Variants in TRABD2B observed in about 807,000 individuals in gnomAD.
TRABD2B encodes TraB domain containing 2B.
A neutral mutation model predicts 40.1 loss-of-function variants in TRABD2B; 14 were observed. That is an observed-to-expected ratio of 0.35 (90% CI 0.23 to 0.55). The LOEUF is 0.55. Ranked by LOEUF, TRABD2B falls within the 20% of genes least tolerant of loss-of-function variation. The pLI is 0.90. For synonymous variants in TRABD2B, 263 were observed against 277.0 expected, an observed-to-expected ratio of 0.95 and a Z score of 0.50; for missense variants, 541 against 648.6, an observed-to-expected ratio of 0.83 and a Z score of 1.80.
At chr1:47,841,617 T>G (rs1041102390) in intron 2 of TRABD2B, among the ~76,000 whole-genome samples, 1 of 152,034 alleles carries the variant, frequency 6.6e-6, no homozygotes, top group Non-Finnish European at 1.5e-5. Flanking sequence ...GTGGGAATCA[T>G]GTCAGCAGAG....
At chr1:47,827,323 G>A (rs186833263) in intron 2 of TRABD2B, among the ~76,000 whole-genome samples, 36 of 152,340 alleles carry the variant, frequency 2.4e-4, no homozygotes, top group African/African-American at 6.7e-4. Flanking sequence ...TTCTCAAATC[G>A]AGAGGCACAT....
At chr1:47,896,768 G>T (rs541363886) in intron 2 of TRABD2B, among the ~76,000 whole-genome samples, 1 of 152,208 alleles carries the variant, frequency 6.6e-6, no homozygotes, top group Non-Finnish European at 1.5e-5. Context: ...TCTTGGGCAA[G>T]AAACTCCAAC....
chr1:47,964,711 A>G (rs971148422), intron 2 of TRABD2B, among the ~76,000 whole-genome samples: 1 of 152,158 alleles, frequency 6.6e-6, no homozygotes, highest in African/African-American at 2.4e-5. Context: ...GTATTACGGT[A>G]ACACCATATT....
At chr1:47,941,554 G>A (rs1557669991) in intron 2 of TRABD2B, among the ~76,000 whole-genome samples, 1 of 152,230 alleles carries the variant, frequency 6.6e-6, no homozygotes, top group Admixed American at 6.5e-5. Flanking sequence ...CCTGGACACT[G>A]CCTAGCTATG....
intron 2 of TRABD2B, among the ~76,000 whole-genome samples, chr1:47,932,544 C>T (rs1442347411): frequency 6.6e-6 from 1 of 152,026 alleles, no homozygotes; most frequent in Non-Finnish European, 1.5e-5. Flanking sequence ...ATGTGTGTCT[C>T]CTGAGTGATC....
chr1:47,984,228 G>T (rs1415169401), intron 2 of TRABD2B, among the ~76,000 whole-genome samples: 1 of 152,236 alleles, frequency 6.6e-6, no homozygotes, highest in Non-Finnish European at 1.5e-5. Context: ...CTGGCCGCGC[G>T]CCGCGCCGCC....
At position 47,971,081 on chromosome 1, in the gene TRABD2B, G is replaced by A. The variant is rs545859227; in HGVS notation, c.666+22953C>T. 3.3e-5 allele frequency among the ~76,000 whole-genome samples: 5 copies of A among 152,332 alleles called. No homozygotes were observed. In the South Asian group the frequency reaches 1.0e-3, roughly 32 times the overall value. On this transcript the variant is annotated intron_variant, in intron 2 of 6. Coordinates refer to ENST00000606738, the MANE Select transcript of TRABD2B (RefSeq NM_001194986.2). ...ATCTAACACACCATCTCTGCCTAAT[G>A]AAATTTGATAGCACGGTAAAAGAAA... is the stretch of plus-strand genomic sequence containing the variant.
chr1:47,800,980 A>AATTCACC (rs1644815884), intron 3 of TRABD2B, among the ~76,000 whole-genome samples: 1 of 152,166 alleles, frequency 6.6e-6, no homozygotes, highest in Non-Finnish European at 1.5e-5. Context: ...GAGAGCAATG[A>AATTCACC]ATGGGGAGGC....
chr1:47,775,387 C>T lies in TRABD2B; in HGVS notation c.1132G>A (p.Ala378Thr), dbSNP rs1644431450. The change falls in exon 6 of 7, where the codon GCC becomes ACC. Residue 378 changes from alanine (A) to threonine (T), a missense_variant. Around this residue, in one of 2 missense-constraint regions of TRABD2B, gnomAD observed 172 missense variants for 155.8 expected, o/e 1.10. Transcript: ENST00000606738. ...PSPEGTSTSP[A>T]PVTPAAAVPE... is the part of the protein sequence containing the mutation. Reference sequence around the variant, plus strand: ...ACAGCGGCAGCTGGGGTCACTGGGGCCGGGCTCGTCGAGGTCCCCTCAGGA... The same window carrying T: ...ACAGCGGCAGCTGGGGTCACTGGGGTCGGGCTCGTCGAGGTCCCCTCAGGA... 5 of 1,236,972 alleles carry T rather than the reference C, an allele frequency of 4.0e-6. No homozygotes were observed. Among genetic ancestry groups the T allele is most frequent in the Admixed American group, 4.2e-5 (1 of 23,864 alleles). The allele number at this position is 1,236,972 out of a possible 1,614,324, so 76.6% of individuals were successfully genotyped here.
At chr1:47,832,753 T>G (rs965226958) in intron 2 of TRABD2B, among the ~76,000 whole-genome samples, 1 of 152,174 alleles carries the variant, frequency 6.6e-6, no homozygotes, top group South Asian at 2.1e-4. Context: ...TTCTTTGTTC[T>G]TTTTATATTT....
chr1:47,842,310 G>A (rs1645409767), intron 2 of TRABD2B, among the ~76,000 whole-genome samples: 1 of 152,206 alleles, frequency 6.6e-6, no homozygotes, highest in Non-Finnish European at 1.5e-5. Flanking sequence ...GGCCACCTCA[G>A]AGTTCGTTTG....
intron 2 of TRABD2B, among the ~76,000 whole-genome samples, chr1:47,844,195 G>A (rs1645436811): frequency 2.0e-5 from 3 of 152,212 alleles, no homozygotes; most frequent in Admixed American, 2.0e-4. Context: ...ACTTTAAAAA[G>A]TGATATAAGC....
At chr1:47,941,192 C>A (rs911099641) in intron 2 of TRABD2B, among the ~76,000 whole-genome samples, 39 of 152,168 alleles carry the variant, frequency 2.6e-4, no homozygotes, top group African/African-American at 8.7e-4. Context: ...TTCAAGGTCC[C>A]AGAACCTCAG....
At chr1:47,879,480 G>A (rs1294701975) in intron 2 of TRABD2B, among the ~76,000 whole-genome samples, 2 of 152,312 alleles carry the variant, frequency 1.3e-5, no homozygotes, top group East Asian at 3.9e-4. Context: ...GCCTAGGTGT[G>A]TAAAAGGCTA....
chr1:47,828,012 C>T (rs962313209), intron 2 of TRABD2B, among the ~76,000 whole-genome samples: 11 of 152,148 alleles, frequency 7.2e-5, no homozygotes, highest in Non-Finnish European at 1.5e-4. Context: ...CCCTTCAGCC[C>T]GGGCATCTCA....
chr1:47,831,723 G>T (rs1300020300), intron 2 of TRABD2B, among the ~76,000 whole-genome samples: 1 of 152,224 alleles, frequency 6.6e-6, no homozygotes, highest in Admixed American at 6.5e-5. Flanking sequence ...CTGGCTAGGT[G>T]ACTCTGGGTG....
chr1:47,936,348 C>T lies in TRABD2B; in HGVS notation c.666+57686G>A, dbSNP rs183523627. On this transcript the variant is annotated intron_variant, in intron 2 of 6. Transcript: ENST00000606738. Reference sequence around the variant, plus strand: ...ATGGAAAGAGATGGGTAAAATCTTGCCCCACTCCCAACTAGGAGCTCACAG... The same window carrying T: ...ATGGAAAGAGATGGGTAAAATCTTGTCCCACTCCCAACTAGGAGCTCACAG... Among the ~76,000 whole-genome samples, 19 of 152,214 alleles carry T rather than the reference C, an allele frequency of 1.2e-4. No individual in the cohort carries two copies. The East Asian group carries it at 3.5e-3, about 28-fold the overall frequency.
At chr1:47,819,360 G>A (rs1645076575) in intron 2 of TRABD2B, 1 of 152,248 alleles carries the variant, frequency 6.6e-6, no homozygotes, top group South Asian at 2.1e-4. Context: ...CCAACACATC[G>A]CTTTCCTGGA....
intron 2 of TRABD2B, among the ~76,000 whole-genome samples, chr1:47,949,241 A>C (rs924422836): frequency 2.0e-5 from 3 of 151,906 alleles, no homozygotes; most frequent in Non-Finnish European, 4.4e-5. Context: ...TATTATTCTC[A>C]TTTTACAGAT....
Sources: allele counts gnomAD v4.1 joint callset (sites outside exome capture counted in the v4.1 genomes callset), GRCh38; gene constraint gnomAD v4.1.1; regional missense constraint gnomAD v4.1.1; transcripts MANE v1.5; gene names NCBI Gene and HGNC (gene_info 2026-07-23, HGNC 2026-07-21).